The following TOX2 variants were observed in gnomAD, a reference collection of about 807,000 sequenced individuals.
The protein encoded by TOX2 is granulosa cell HMG box 1.
Under a neutral mutation model 47.4 loss-of-function variants are expected in TOX2, and 15 were observed. The ratio of observed to expected loss-of-function variants is 0.32; its 90% confidence interval spans 0.21 to 0.49. TOX2 has a LOEUF of 0.49. Ranked by LOEUF, TOX2 falls within the 20% of genes least tolerant of loss-of-function variation. The pLI, the probability that TOX2 is intolerant of heterozygous loss-of-function variation, is 0.99. For missense variants in TOX2, 622 were observed against 673.1 expected (o/e 0.92, Z 0.84); for synonymous variants, 290 against 296.6 (o/e 0.98, Z 0.23).
intron 2 of TOX2, among the ~76,000 whole-genome samples, chr20:43,976,968 A>G (rs2070091065): frequency 1.3e-5 from 2 of 152,210 alleles, no homozygotes; most frequent in South Asian, 4.1e-4. Flanking sequence ...AATGGCTTAA[A>G]ATATGTTTTA....
In TOX2 at chr20:44,068,930, A is replaced by C. The variant is rs1253969141; in HGVS notation, c.*244A>C. Reference sequence around the variant, plus strand: ...TTCCGCCCGCTGACCTGCTTGCTCCAGGGTAACTGTGGACCCTGTCCTCGC... The same window carrying C: ...TTCCGCCCGCTGACCTGCTTGCTCCCGGGTAACTGTGGACCCTGTCCTCGC... On this transcript the variant is annotated 3_prime_UTR_variant, in exon 9 of 9. Coordinates refer to ENST00000341197, the MANE Select transcript of TOX2 (RefSeq NM_001098797.2). 1 of 669,102 alleles carries C rather than the reference A, an allele frequency of 1.5e-6. No individual in the cohort carries two copies. The highest frequency in any genetic ancestry group is 2.8e-6 in the Non-Finnish European group (1 of 358,806). 41.4% of individuals were successfully genotyped at this position (669,102 alleles called of 1,614,324 possible). A position where few individuals can be genotyped will look rare whatever the true frequency, so the allele number is the denominator to read the frequency against.
chr20:43,973,786 C>T (rs997555450), intron 2 of TOX2, among the ~76,000 whole-genome samples: 5 of 152,200 alleles, frequency 3.3e-5, no homozygotes, highest in South Asian at 2.1e-4. Context: ...ACAGCACCCA[C>T]GGGGACATGT....
intron 1 of TOX2, among the ~76,000 whole-genome samples, chr20:43,944,578 C>G (rs2069441429): frequency 6.6e-6 from 1 of 152,204 alleles, no homozygotes; most frequent in Non-Finnish European, 1.5e-5. Flanking sequence ...TGCAGACACG[C>G]TGGGCACCAG....
At chr20:44,016,343 C>T (rs140719186) in intron 3 of TOX2, among the ~76,000 whole-genome samples, 156 of 152,204 alleles carry the variant, frequency 1.0e-3, no homozygotes, top group African/African-American at 3.3e-3. Context: ...AAGCTGGTCT[C>T]GAACTCCTGA....
chr20:43,999,182 ATTATG>A (rs2070533871), intron 2 of TOX2, among the ~76,000 whole-genome samples: 1 of 152,170 alleles, frequency 6.6e-6, no homozygotes, highest in Non-Finnish European at 1.5e-5. Context: ...AATCATTCGT[ATTATG>A]TTATGAATAT....
rs80348390 is a variant in TOX2 at position 44,036,659 on chromosome 20, G to A, written c.412-14647G>A. ...GCCCTCTGCCCATTTTTGTAAATAAGGTTTTATTGGAACACAGCCACAGCC... is the reference window on the plus strand; with the variant it reads ...GCCCTCTGCCCATTTTTGTAAATAAAGTTTTATTGGAACACAGCCACAGCC... On this transcript the variant is annotated intron_variant, in intron 3 of 8. Transcript: ENST00000341197. Among the ~76,000 whole-genome samples, 1,379 of 152,332 alleles carry A rather than the reference G, an allele frequency of 9.1e-3. 15 individuals carry two copies. Among genetic ancestry groups the A allele is most frequent in the Non-Finnish European group, 0.013 (866 of 68,030 alleles).
intron 1 of TOX2, among the ~76,000 whole-genome samples, chr20:43,927,676 T>TTCCTTC (rs1569003704): frequency 9.6e-5 from 9 of 93,426 alleles, no homozygotes; most frequent in African/African-American, 3.4e-4. Context: ...TTCCTTCCTT[T>TTCCTTC]CTTCCTTCCT....
At chr20:43,969,520 C>G (rs736992) in intron 1 of TOX2, among the ~76,000 whole-genome samples, 13,875 of 152,226 alleles carry the variant, frequency 0.091, 840 homozygotes, top group Middle Eastern at 0.15. Context: ...AGGGGTAAGC[C>G]CCAGGCCTTA....
At chr20:43,975,572 T>G (rs1345950856) in intron 2 of TOX2, among the ~76,000 whole-genome samples, 1 of 152,164 alleles carries the variant, frequency 6.6e-6, no homozygotes, top group Non-Finnish European at 1.5e-5. Context: ...CAAGCCTCCC[T>G]TGCCTTGTCC....
intron 3 of TOX2, among the ~76,000 whole-genome samples, chr20:44,027,733 A>G (rs2071087774): frequency 6.6e-6 from 1 of 152,208 alleles, no homozygotes; most frequent in South Asian, 2.1e-4. Context: ...TGGCAGAAGG[A>G]AGTGCACAGG....
intron 1 of TOX2, among the ~76,000 whole-genome samples, chr20:43,934,519 G>A (rs2069298817): frequency 6.6e-6 from 1 of 152,164 alleles, no homozygotes; most frequent in African/African-American, 2.4e-5. Flanking sequence ...ATACCACATA[G>A]GGAGGGGGTG....
At chr20:44,017,569 G>A (rs1395479051) in intron 3 of TOX2, among the ~76,000 whole-genome samples, 1 of 152,188 alleles carries the variant, frequency 6.6e-6, no homozygotes, top group South Asian at 2.1e-4. Context: ...GCCTTTGGAG[G>A]TCAAGAACCA....
intron 2 of TOX2, among the ~76,000 whole-genome samples, chr20:43,991,614 CATTATT>C (rs143981680): frequency 0.51 from 72,500 of 141,018 alleles, 20,845 homozygotes; most frequent in Admixed American, 0.65. Context: ...AGGCAATAAT[CATTATT>C]ATTATTATTA....
chr20:44,028,737 G>A (rs1246108216), intron 3 of TOX2, among the ~76,000 whole-genome samples: 1 of 152,184 alleles, frequency 6.6e-6, no homozygotes, highest in Non-Finnish European at 1.5e-5. Flanking sequence ...TCCCAGTCCT[G>A]GTGCTGTGGG....
intron 1 of TOX2, among the ~76,000 whole-genome samples, chr20:43,928,178 G>A (rs1197422455): frequency 1.3e-5 from 2 of 152,234 alleles, no homozygotes; most frequent in Non-Finnish European, 2.9e-5. Context: ...GGCTGAAGAA[G>A]GGAGCCAGGG....
At chr20:44,063,602 T>C (rs1201974955) in intron 5 of TOX2, among the ~76,000 whole-genome samples, 1 of 152,168 alleles carries the variant, frequency 6.6e-6, no homozygotes, top group African/African-American at 2.4e-5. Flanking sequence ...TCCCACTGCT[T>C]GGTATCCACC....
At chr20:44,032,377 C>A (rs973845744) in intron 3 of TOX2, among the ~76,000 whole-genome samples, 1 of 152,210 alleles carries the variant, frequency 6.6e-6, no homozygotes, top group African/African-American at 2.4e-5. Context: ...GGAGCGTCCC[C>A]GCGGTTGTAA....
chr20:44,048,412 ATG>A (rs199557154), intron 3 of TOX2, among the ~76,000 whole-genome samples: 4,207 of 135,454 alleles, frequency 0.031, 418 homozygotes, highest in African/African-American at 0.066. Context: ...ATATATATAT[ATG>A]TATAATTTAC....
intron 3 of TOX2, among the ~76,000 whole-genome samples, chr20:44,048,945 T>C (rs1247975349): frequency 6.6e-6 from 1 of 152,220 alleles, no homozygotes; most frequent in Non-Finnish European, 1.5e-5. Context: ...GAGACAAGCC[T>C]GGCCAATATG....
Sources: gnomAD v4.1 joint callset for allele counts (sites outside exome capture counted in the v4.1 genomes callset) on GRCh38, gnomAD v4.1.1 for gene constraint, MANE v1.5 for transcripts, NCBI Gene and HGNC (gene_info 2026-07-23, HGNC 2026-07-21) for gene names.